The following UNC13C variants were observed in gnomAD, a reference collection of about 807,000 sequenced individuals.
UNC13C encodes the protein protein unc-13 homolog C.
A neutral mutation model predicts 245.4 loss-of-function variants in UNC13C; 174 were observed. That is an observed-to-expected ratio of 0.71 (90% CI 0.63 to 0.80). The LOEUF (loss-of-function observed/expected upper bound fraction) is 0.80, where lower values mean the gene tolerates loss of function less well. UNC13C is among the 30% of genes least tolerant of loss of function. UNC13C has a pLI of 0.00. For synonymous variants in UNC13C, 992 were observed against 895.1 expected (o/e 1.11, Z -1.93); for missense variants, 2,829 against 2,602.9 (o/e 1.09, Z -1.89).
intron 1 of UNC13C, among the ~76,000 whole-genome samples, chr15:53,998,300 T>C (rs1389499657): frequency 6.6e-6 from 1 of 152,198 alleles, no homozygotes; most frequent in East Asian, 1.9e-4. Flanking sequence ...ATATTATCTC[T>C]TTAGTTATGC....
chr15:53,838,537 A>C, the UNC13C span, among the ~76,000 whole-genome samples: 2 of 152,138 alleles, frequency 1.3e-5, no homozygotes, highest in Middle Eastern at 7.1e-3. Context: ...GAGACAGCTA[A>C]ATCGTTTTCT....
chr15:54,551,563 C>A lies in UNC13C; in HGVS notation c.5877+1872C>A, dbSNP rs1896736990. Among the ~76,000 whole-genome samples the A allele has an allele frequency of 3.3e-5, 5 of 151,978 alleles. No homozygotes were observed. In the South Asian group the frequency reaches 1.0e-3, roughly 31 times the overall value. ...ACAGAAAACATAACACTTTAGCATG[C>A]TTTGTGGTCCCATTATTTTCTCAAT... is the stretch of plus-strand genomic sequence containing the variant. On this transcript the variant is annotated intron_variant, in intron 28 of 32. Coordinates refer to ENST00000260323, the MANE Select transcript of UNC13C (RefSeq NM_001080534.3).
chr15:54,434,342 C>A (rs564971460), intron 19 of UNC13C, among the ~76,000 whole-genome samples: 2 of 152,212 alleles, frequency 1.3e-5, no homozygotes, highest in East Asian at 3.9e-4. Flanking sequence ...AACTATACTA[C>A]AAGGCTATAG....
At chr15:54,626,269 T>C (rs1295664028) in intron 32 of UNC13C, among the ~76,000 whole-genome samples, 3 of 150,192 alleles carry the variant, frequency 2.0e-5, no homozygotes, top group Admixed American at 6.7e-5. Flanking sequence ...AGAATCGGCA[T>C]TGAATCACCA....
At chr15:54,426,085 C>T (rs2040753678) in intron 19 of UNC13C, among the ~76,000 whole-genome samples, 1 of 151,702 alleles carries the variant, frequency 6.6e-6, no homozygotes, top group African/African-American at 2.4e-5. Context: ...GTACATTGAG[C>T]AGAACTAGAA....
intron 19 of UNC13C, among the ~76,000 whole-genome samples, chr15:54,477,930 A>T (rs1296922288): frequency 6.8e-6 from 1 of 146,384 alleles, no homozygotes; most frequent in Non-Finnish European, 1.5e-5. Context: ...CTGTGAATCC[A>T]TCTGGTCCTG....
chr15:54,430,729 G>T (rs562230996), intron 19 of UNC13C, among the ~76,000 whole-genome samples: 1 of 151,804 alleles, frequency 6.6e-6, no homozygotes, highest in East Asian at 1.9e-4. Flanking sequence ...AACACATTTT[G>T]TTTTCACTGC....
At chr15:54,215,385 G>A (rs889594672) in intron 4 of UNC13C, among the ~76,000 whole-genome samples, 2 of 151,754 alleles carry the variant, frequency 1.3e-5, no homozygotes, top group Non-Finnish European at 2.9e-5. Flanking sequence ...CTCTCATCAG[G>A]ATAGTGTATC....
intron 17 of UNC13C, among the ~76,000 whole-genome samples, chr15:54,384,554 A>G (rs1210420037): frequency 6.6e-6 from 1 of 152,074 alleles, no homozygotes; most frequent in Non-Finnish European, 1.5e-5. Flanking sequence ...CTAGAAGAAA[A>G]CAGAGGGAAA....
chr15:54,341,967 C>T (rs56099845), intron 17 of UNC13C, among the ~76,000 whole-genome samples: 36,655 of 143,692 alleles, frequency 0.26, 4,988 homozygotes, highest in Admixed American at 0.36. Flanking sequence ...CAGAGCGAGA[C>T]TCTGTCTCAA....
At chr15:54,372,853 T>C (rs1480370181) in intron 17 of UNC13C, among the ~76,000 whole-genome samples, 2 of 152,198 alleles carry the variant, frequency 1.3e-5, no homozygotes, top group Admixed American at 6.5e-5. Context: ...AGAGTAGCTG[T>C]AGCCACTAGC....
At chr15:54,522,898 C>T (rs1895283263) in intron 24 of UNC13C, among the ~76,000 whole-genome samples, 1 of 152,016 alleles carries the variant, frequency 6.6e-6, no homozygotes, top group Non-Finnish European at 1.5e-5. Flanking sequence ...TTTTTCTGTT[C>T]TTTCCCTCTT....
chr15:54,331,439 G>C (rs2038433240), intron 14 of UNC13C, among the ~76,000 whole-genome samples: 1 of 152,024 alleles, frequency 6.6e-6, no homozygotes, highest in African/African-American at 2.4e-5. Flanking sequence ...AGCAACAGAA[G>C]TTTTTTGGCT....
chr15:54,446,857 C>T (rs1196028154), intron 19 of UNC13C, among the ~76,000 whole-genome samples: 1 of 152,164 alleles, frequency 6.6e-6, no homozygotes, highest in Non-Finnish European at 1.5e-5. Context: ...GAGGGCATCC[C>T]TGTCTTGTGC....
intron 30 of UNC13C, among the ~76,000 whole-genome samples, chr15:54,619,677 G>A (rs1900671696): frequency 6.6e-6 from 1 of 152,106 alleles, no homozygotes; most frequent in South Asian, 2.1e-4. Context: ...ATTTGAAATG[G>A]TCAGAGGACA....
chr15:54,376,698 C>A (rs906297420), intron 17 of UNC13C, among the ~76,000 whole-genome samples: 5 of 152,130 alleles, frequency 3.3e-5, no homozygotes, highest in Non-Finnish European at 5.9e-5. Context: ...CAAAGAAAAG[C>A]AGTAACATGT....
At chr15:54,587,972 C>T (rs1449388292) in intron 30 of UNC13C, among the ~76,000 whole-genome samples, 1 of 152,118 alleles carries the variant, frequency 6.6e-6, no homozygotes, top group African/African-American at 2.4e-5. Context: ...CTAACATTGG[C>T]CCTGGGCACA....
At chr15:54,083,503 C>A (rs1234439985) in intron 2 of UNC13C, among the ~76,000 whole-genome samples, 2 of 152,208 alleles carry the variant, frequency 1.3e-5, no homozygotes, top group African/African-American at 4.8e-5. Context: ...AGCACTTTCT[C>A]CAAGTGTACA....
chr15:54,423,506 T>C (rs1305100662), intron 19 of UNC13C, among the ~76,000 whole-genome samples: 2 of 151,882 alleles, frequency 1.3e-5, no homozygotes, highest in African/African-American at 4.8e-5. Flanking sequence ...TATTTCTAAA[T>C]ATACATAAAA....
Sources: gnomAD v4.1 joint callset for allele counts (sites outside exome capture counted in the v4.1 genomes callset) on GRCh38, gnomAD v4.1.1 for gene constraint, MANE v1.5 for transcripts, NCBI Gene and HGNC (gene_info 2026-07-23, HGNC 2026-07-21) for gene names.